ZHX2: variants seen among roughly 807,000 people sequenced by gnomAD.
ZHX2 encodes the protein zinc fingers and homeoboxes protein 2.
Under a neutral mutation model 21.9 loss-of-function variants are expected in ZHX2, and 6 were observed. The ratio of observed to expected loss-of-function variants is 0.27; its 90% CI spans 0.15 to 0.54. The LOEUF (loss-of-function observed/expected upper bound fraction) is 0.54, where lower values mean the gene tolerates loss of function less well. ZHX2 is among the 20% of genes least tolerant of loss of function. The pLI, the probability that ZHX2 is intolerant of heterozygous loss-of-function variation, is 0.95. For missense variants in ZHX2, 908 were observed against 1,090.7 expected (o/e 0.83, Z 2.36); for synonymous variants, 434 against 437.1 (o/e 0.99, Z 0.09).
chr8:122,847,787 C>G (rs1201005373), intron 1 of ZHX2, among the ~76,000 whole-genome samples: 2 of 152,234 alleles, frequency 1.3e-5, no homozygotes, highest in Non-Finnish European at 2.9e-5. Flanking sequence ...GCACCACACT[C>G]TCCTCTCTGG....
Position 122,875,132 on chromosome 8 carries a change from TA to T in ZHX2, c.-220+11594del, listed in dbSNP as rs1819534475. ...TTTTAGAGGAAGGAAAACTCTGTTA[TA>T]TATATATATATATATATATATATAT... On this transcript the variant is annotated intron_variant, in intron 2 of 3. Transcript: ENST00000314393. Among the ~76,000 whole-genome samples the T allele has an allele frequency of 9.4e-4, 91 of 96,714 alleles. 15 individuals carry two copies. Among genetic ancestry groups the T allele is most frequent in the African/African-American group, 3.2e-3 (77 of 24,194 alleles). The allele number at this position is 96,714 out of a possible 152,430, so 63.4% of individuals were successfully genotyped here.
At chr8:122,959,089 C>T (rs61284046) in intron 3 of ZHX2, among the ~76,000 whole-genome samples, 5,397 of 152,218 alleles carry the variant, frequency 0.035, 300 homozygotes, top group African/African-American at 0.12. Context: ...ACAAAGAATT[C>T]TGAGGCTCAG....
At chr8:122,926,570 T>A (rs1820860823) in intron 2 of ZHX2, among the ~76,000 whole-genome samples, 1 of 152,192 alleles carries the variant, frequency 6.6e-6, no homozygotes, top group East Asian at 1.9e-4. Context: ...TTGTTCGCTG[T>A]CAGGTGGCGA....
rs1418798323 is a variant in ZHX2, at chr8:122,879,014, C to T, written c.-220+15475C>T. 2.6e-5 allele frequency among the ~76,000 whole-genome samples: 4 copies of T among 152,238 alleles called. No homozygotes were observed. The East Asian group carries it at 7.7e-4, about 29-fold the overall frequency. ...TAGAGGAATGGGGACCTACTGCACT[C>T]TTCGTAGTGCCAGGGTTGGATGTGT... On this transcript the variant is annotated intron_variant, in intron 2 of 3. Coordinates refer to ENST00000314393, the MANE Select transcript of ZHX2 (RefSeq NM_014943.5).
At chr8:122,884,493 C>G (rs1460328441) in intron 2 of ZHX2, among the ~76,000 whole-genome samples, 1 of 152,238 alleles carries the variant, frequency 6.6e-6, no homozygotes, top group Non-Finnish European at 1.5e-5. Context: ...TTTGTCAGCT[C>G]TTCCATTTTG....
intron 1 of ZHX2, among the ~76,000 whole-genome samples, chr8:122,812,736 T>G (rs1586583507): frequency 6.6e-6 from 1 of 152,144 alleles, no homozygotes; most frequent in Admixed American, 6.5e-5. Context: ...ATTAAACATG[T>G]ATGTTAGTAA....
rs1819209046 is a variant in ZHX2 at position 122,863,219 on chromosome 8, A to C, written c.-282-258A>C. ...TGCCTTTCATTTCGCTCTTCTAGAAAGCCTGCTTTTCCACAAGCTGCTGAC... is the reference window on the plus strand; with the variant it reads ...TGCCTTTCATTTCGCTCTTCTAGAACGCCTGCTTTTCCACAAGCTGCTGAC... On this transcript the variant is annotated intron_variant, in intron 1 of 3. Transcript: ENST00000314393. Among the ~76,000 whole-genome samples, 2 of 150,288 alleles carry C rather than the reference A, an allele frequency of 1.3e-5. 1 individual carries two copies. Among genetic ancestry groups the C allele is most frequent in the Admixed American group, 1.3e-4 (2 of 15,148 alleles).
chr8:122,967,845 T>C (rs1445004634), intron 3 of ZHX2, among the ~76,000 whole-genome samples: 3 of 152,168 alleles, frequency 2.0e-5, no homozygotes, highest in African/African-American at 7.2e-5. Context: ...CTGCCCTACA[T>C]TGGCCAGGAT....
chr8:122,825,930 CAGG>C (rs1259122669), intron 1 of ZHX2, among the ~76,000 whole-genome samples: 1 of 152,150 alleles, frequency 6.6e-6, no homozygotes, highest in Non-Finnish European at 1.5e-5. Flanking sequence ...CCCTGCTCTC[CAGG>C]AGGAGTTAAC....
At chr8:122,804,122 A>T (rs1314023661) in intron 1 of ZHX2, among the ~76,000 whole-genome samples, 1 of 151,976 alleles carries the variant, frequency 6.6e-6, no homozygotes, top group Non-Finnish European at 1.5e-5. Flanking sequence ...ATATTTATTT[A>T]TTTTTTGAGA....
chr8:122,886,411 AT>A (rs1429527716), intron 2 of ZHX2, among the ~76,000 whole-genome samples: 1 of 152,214 alleles, frequency 6.6e-6, no homozygotes, highest in Non-Finnish European at 1.5e-5. Flanking sequence ...GACACTATGC[AT>A]TTGTCAAAAC....
At chr8:122,802,773 T>G (rs990367643) in intron 1 of ZHX2, among the ~76,000 whole-genome samples, 1 of 152,202 alleles carries the variant, frequency 6.6e-6, no homozygotes, top group Admixed American at 6.5e-5. Context: ...GAATGGGTTG[T>G]GTCCGTCATG....
intron 2 of ZHX2, among the ~76,000 whole-genome samples, chr8:122,900,362 A>G (rs1820198930): frequency 6.6e-6 from 1 of 152,162 alleles, no homozygotes; most frequent in South Asian, 2.1e-4. Context: ...GGGAGATGCC[A>G]GGTTCTGTTT....
At chr8:122,920,288 A>C (rs77679005) in intron 2 of ZHX2, among the ~76,000 whole-genome samples, 10,088 of 152,256 alleles carry the variant, frequency 0.066, 416 homozygotes, top group Middle Eastern at 0.19. Flanking sequence ...AACAAACAAA[A>C]AAAAAATTCA....
At chr8:122,930,644 G>GTT (rs78138664) in intron 2 of ZHX2, among the ~76,000 whole-genome samples, 2,938 of 141,628 alleles carry the variant, frequency 0.021, 61 homozygotes, top group Middle Eastern at 0.045. Flanking sequence ...GCTAATTTTT[G>GTT]TTTTTTTTTT....
intron 2 of ZHX2, among the ~76,000 whole-genome samples, chr8:122,925,943 C>T (rs985851316): frequency 6.6e-6 from 1 of 151,976 alleles, no homozygotes; most frequent in Admixed American, 6.6e-5. Context: ...AGTGGGGGGG[C>T]ACACACAGAA....
At chr8:122,850,435 C>T (rs1818862708) in intron 1 of ZHX2, among the ~76,000 whole-genome samples, 2 of 151,978 alleles carry the variant, frequency 1.3e-5, no homozygotes, top group African/African-American at 4.8e-5. Flanking sequence ...GTCAGGAGTT[C>T]GAGACCAGCC....
intron 1 of ZHX2, among the ~76,000 whole-genome samples, chr8:122,821,715 T>TATTC (rs1818154246): frequency 6.6e-6 from 1 of 151,700 alleles, no homozygotes; most frequent in South Asian, 2.1e-4. Flanking sequence ...TTTATTTATT[T>TATTC]ATTTATTTAG....
intron 2 of ZHX2, among the ~76,000 whole-genome samples, chr8:122,865,878 G>C (rs1437574082): frequency 6.6e-6 from 1 of 152,216 alleles, no homozygotes; most frequent in Non-Finnish European, 1.5e-5. Flanking sequence ...GCAGGGCAGG[G>C]TCAAGGAAGC....
Sources: allele counts gnomAD v4.1 joint callset (sites outside exome capture counted in the v4.1 genomes callset), GRCh38; gene constraint gnomAD v4.1.1; transcripts MANE v1.5; gene names NCBI Gene and HGNC (gene_info 2026-07-23, HGNC 2026-07-21).